The following WRN variants were observed in gnomAD, a reference collection of about 807,000 sequenced individuals.
The protein encoded by WRN is WRN RecQ like helicase.
Under a neutral mutation model 180.7 loss-of-function variants are expected in WRN, and 149 were observed. That is an observed-to-expected ratio of 0.82 (90% CI 0.72 to 0.94). WRN has a LOEUF of 0.94. WRN is among the 40% of genes least tolerant of loss of function. The pLI, the probability that WRN is intolerant of heterozygous loss-of-function variation, is 0.00. For synonymous variants in WRN, 548 were observed against 568.9 expected (o/e 0.96, Z 0.52); for missense variants, 1,661 against 1,700.1 (o/e 0.98, Z 0.40).
rs2130133528 is a variant in WRN at position 31,083,746 on chromosome 8, G to A, written c.1317G>A (p.Glu439=). Residue 439 remains glutamate (E), a synonymous_variant, in exon 10 of 35, where the codon GAG becomes GAA. Coordinates refer to ENST00000298139, the MANE Select transcript of WRN (RefSeq NM_000553.6). ...AAAACGATACGTCCTATGTAATTGA[G>A]AGTGATGAAGATTTAGAAATGGAGA... The part of the protein sequence containing the change: ...DNENDTSYVI[E]SDEDLEMEML... 1.2e-6 allele frequency: 2 copies of A among 1,609,624 alleles called. No homozygotes were observed. Among genetic ancestry groups the A allele is most frequent in the South Asian group, 2.2e-5 (2 of 90,902 alleles).
At chr8:31,083,605 C>G (rs1268581546) in intron 9 of WRN, 94 bp from the exon 10 acceptor site, 1 of 901,844 alleles carries the variant, frequency 1.1e-6, no homozygotes, top group South Asian at 1.5e-5. Flanking sequence ...AGGAAGTTGT[C>G]TAAAGATATC....
chr8:31,103,417 G>A (rs1049086918), intron 18 of WRN, among the ~76,000 whole-genome samples: 2 of 152,194 alleles, frequency 1.3e-5, no homozygotes, highest in African/African-American at 2.4e-5. Context: ...CACCACAAAC[G>A]TGAGCAGTGC....
intron 22 of WRN, 128 bp from the exon 23 acceptor site, chr8:31,124,780 A>G (rs1198732880): frequency 4.2e-6 from 5 of 1,198,784 alleles, no homozygotes; most frequent in Non-Finnish European, 6.0e-6. Context: ...GTGTCTGAGT[A>G]AACTGAAGTC....
chr8:31,083,581 A>G (rs1813405394), intron 9 of WRN, 118 bp from the exon 10 acceptor site: 1 of 631,606 alleles, frequency 1.6e-6, no homozygotes, highest in Non-Finnish European at 2.8e-6. Flanking sequence ...TATATTATAT[A>G]TCCATTAGGG....
At chr8:31,172,788 T>C (rs1804150765) in intron 34 of WRN, among the ~76,000 whole-genome samples, 1 of 152,198 alleles carries the variant, frequency 6.6e-6, no homozygotes, top group African/African-American at 2.4e-5. Context: ...TGGCAAGTAA[T>C]TGCCTGAAGA....
chr8:31,170,755 C>T (rs2553255), intron 34 of WRN, among the ~76,000 whole-genome samples: 148,908 of 152,268 alleles, frequency 0.98, 72,913 homozygotes, highest in South Asian at 1. Flanking sequence ...CACTGGAAGG[C>T]GTTGTTTCTA....
chr8:31,140,834 C>T (rs1802592643), intron 24 of WRN, among the ~76,000 whole-genome samples: 1 of 152,106 alleles, frequency 6.6e-6, no homozygotes, highest in South Asian at 2.1e-4. Flanking sequence ...CGGCTCACTG[C>T]AAGCTCTGCC....
In WRN at chr8:31,175,687, A is replaced by G. The variant is rs1804254548; in HGVS notation, c.*2585A>G. Among the ~76,000 whole-genome samples, 1 of 151,658 alleles carries G rather than the reference A, an allele frequency of 6.6e-6. No homozygotes were observed. Among genetic ancestry groups the G allele is most frequent in the Non-Finnish European group, 1.5e-5 (1 of 68,030 alleles). On this transcript the variant is annotated 3_prime_UTR_variant, in exon 35 of 35. Coordinates refer to ENST00000298139, the MANE Select transcript of WRN (RefSeq NM_000553.6). Reference sequence around the variant, plus strand: ...CTTTTCCAACTACGTGCCTGTGCAAAGTCAGATTTTTTTCATATACTTCAG... The same window carrying G: ...CTTTTCCAACTACGTGCCTGTGCAAGGTCAGATTTTTTTCATATACTTCAG...
intron 18 of WRN, among the ~76,000 whole-genome samples, chr8:31,105,467 T>C (rs1375722148): frequency 6.6e-6 from 1 of 152,158 alleles, no homozygotes; most frequent in African/African-American, 2.4e-5. Flanking sequence ...TTATTTTATT[T>C]TTTTTATTTT....
chr8:31,121,202 A>G (rs1314633185), intron 21 of WRN, among the ~76,000 whole-genome samples: 1 of 151,994 alleles, frequency 6.6e-6, no homozygotes, highest in Non-Finnish European at 1.5e-5. Flanking sequence ...CATGGTAACC[A>G]ATGGGGCTGC....
chr8:31,122,322 T>A (rs1801754795), intron 21 of WRN, among the ~76,000 whole-genome samples: 1 of 152,020 alleles, frequency 6.6e-6, no homozygotes, highest in Non-Finnish European at 1.5e-5. Flanking sequence ...AACTAGAAAG[T>A]CTAAGAATAA....
chr8:31,074,597 A>G (rs1397107539), intron 7 of WRN, among the ~76,000 whole-genome samples: 2 of 152,142 alleles, frequency 1.3e-5, no homozygotes, highest in African/African-American at 4.8e-5. Context: ...GAAATCTGTC[A>G]TGAGTTTAAA....
At chr8:31,162,767 C>T (rs891222440) in intron 33 of WRN, among the ~76,000 whole-genome samples, 6 of 152,084 alleles carry the variant, frequency 3.9e-5, no homozygotes, top group African/African-American at 1.4e-4. Context: ...GATACTTGTT[C>T]CTGTTGGCTG....
chr8:31,102,687 G>C (rs1344318015), intron 18 of WRN, among the ~76,000 whole-genome samples: 1 of 152,208 alleles, frequency 6.6e-6, no homozygotes, highest in Non-Finnish European at 1.5e-5. Context: ...GAGCTTGTAG[G>C]ACTGGAAGTT....
intron 30 of WRN, among the ~76,000 whole-genome samples, chr8:31,148,348 C>T (rs966531256): frequency 1.3e-5 from 2 of 152,194 alleles, no homozygotes. Flanking sequence ...TTCTCTCTCT[C>T]TGTTTCATCT....
At chr8:31,072,308 T>G (rs1812942603) in intron 7 of WRN, among the ~76,000 whole-genome samples, 1 of 152,230 alleles carries the variant, frequency 6.6e-6, no homozygotes, top group Non-Finnish European at 1.5e-5. Flanking sequence ...CGCCAATCAT[T>G]TGTAATCTTT....
At chr8:31,107,418 G>A (rs1801137961) in intron 18 of WRN, among the ~76,000 whole-genome samples, 1 of 152,116 alleles carries the variant, frequency 6.6e-6, no homozygotes, top group Non-Finnish European at 1.5e-5. Flanking sequence ...TATTATGTCT[G>A]GCCATGGACG....
intron 1 of WRN, among the ~76,000 whole-genome samples, chr8:31,043,610 TGAGACATGTTTAACCTC>T (rs1269824911): frequency 6.6e-6 from 1 of 152,182 alleles, no homozygotes. Flanking sequence ...ACTAAAACCA[TGAGACATGTTTAACCTC>T]AGGACTCCAA....
chr8:31,048,550 T>C (rs538750627), intron 1 of WRN, among the ~76,000 whole-genome samples: 3 of 152,314 alleles, frequency 2.0e-5, no homozygotes, highest in African/African-American at 7.2e-5. Flanking sequence ...TGTATAAATG[T>C]ATAAATTAGT....
Sources: gnomAD v4.1 joint callset for allele counts (sites outside exome capture counted in the v4.1 genomes callset) on GRCh38, gnomAD v4.1.1 for gene constraint, MANE v1.5 for transcripts, NCBI Gene and HGNC (gene_info 2026-07-23, HGNC 2026-07-21) for gene names.